SMCHD1: variants seen among roughly 807,000 people sequenced by gnomAD.
SMCHD1 encodes the protein structural maintenance of chromosomes flexible hinge domain-containing protein 1.
SMCHD1 carries 78 observed loss-of-function variants against 254.7 expected under a neutral mutation model. The observed-to-expected ratio is 0.31, with a 90% confidence interval of 0.26 to 0.37. The LOEUF is 0.37. SMCHD1 is among the 10% of genes least tolerant of loss of function. The pLI, the probability that SMCHD1 is intolerant of heterozygous loss-of-function variation, is 1.00. For synonymous variants in SMCHD1, 766 were observed against 794.9 expected (o/e 0.96, Z 0.61); for missense variants, 1,840 against 2,408.1 (o/e 0.76, Z 4.94).
At chr18:2,801,017 G>A (rs907712892) in intron 47 of SMCHD1, 1 of 152,088 alleles carries the variant, frequency 6.6e-6, no homozygotes, top group African/African-American at 2.4e-5. Context: ...AAATAAAAAT[G>A]TTCAATAGGA....
At position 2,769,775 on chromosome 18, in the gene SMCHD1, T is replaced by C; in HGVS notation, c.4801T>C (p.Ser1601Pro). The change falls in exon 38 of 48, where the codon TCA (serine) becomes CCA (proline). Residue 1601 changes from serine to proline, a missense_variant. Ser to Pro is a moderately conservative substitution (Grantham distance 74). Coordinates refer to ENST00000320876, the MANE Select transcript of SMCHD1 (RefSeq NM_015295.3). Reference sequence around the variant, plus strand: ...ATTTGAGCCCCGGCTACCACTTTTATCAAGAACCTTAGAACCATATATCCT... The same window carrying C: ...ATTTGAGCCCCGGCTACCACTTTTACCAAGAACCTTAGAACCATATATCCT... ...IVFEPRLPLLSRTLEPYILPF... is the reference protein window; with the variant it reads ...IVFEPRLPLLPRTLEPYILPF... 1 of 1,604,778 alleles carries C rather than the reference T, an allele frequency of 6.2e-7. No homozygotes were observed. The highest frequency in any genetic ancestry group is 1.3e-5 in the African/African-American group (1 of 74,944).
At chr18:2,707,783 A>G (rs377457869) in intron 16 of SMCHD1, 24 bp from the exon 17 acceptor site, 1 of 1,573,416 alleles carries the variant, frequency 6.4e-7, no homozygotes. Context: ...TGTAATTAAG[A>G]TACTTTTAAT....
chr18:2,667,668 A>T (rs957151213), intron 3 of SMCHD1, among the ~76,000 whole-genome samples: 1 of 152,200 alleles, frequency 6.6e-6, no homozygotes, highest in African/African-American at 2.4e-5. Context: ...GAACATAAAG[A>T]ATATCTCTAC....
rs760975616 is a variant in SMCHD1, at chr18:2,705,860, A to G, written c.1956+53A>G. On this transcript the variant is annotated intron_variant, in intron 14 of 47. Transcript: ENST00000320876. ...GAAAGTTTCTTGATAACACTTTTGC[A>G]TAATTGTTAAGATACAGTATATTTC... is the stretch of plus-strand genomic sequence containing the variant. 12 of 1,104,568 alleles carry G rather than the reference A, an allele frequency of 1.1e-5. No homozygotes were observed. In the Admixed American group the frequency reaches 1.3e-4, roughly 12 times the overall value. 68.4% of individuals were successfully genotyped at this position (1,104,568 alleles called of 1,614,324 possible). A position where few individuals can be genotyped will look rare whatever the true frequency, so the allele number is the denominator to read the frequency against.
chr18:2,724,889 T>C lies in SMCHD1; in HGVS notation c.2604-10T>C. ...TTGAGGGGAGTTAAAAAATAATTTT[T>C]TTTCCCCAGTGGTTTATCTTTACAT... On this transcript the variant is annotated splice_polypyrimidine_tract_variant and intron_variant, in intron 20 of 47. Coordinates refer to ENST00000320876, the MANE Select transcript of SMCHD1 (RefSeq NM_015295.3). The C allele has an allele frequency of 6.6e-7, 1 of 1,522,844 alleles. No individual in the cohort carries two copies. Among genetic ancestry groups the C allele is most frequent in the Non-Finnish European group, 8.9e-7 (1 of 1,123,284 alleles). 94.3% of individuals were successfully genotyped at this position (1,522,844 alleles called of 1,614,324 possible).
At chr18:2,675,427 G>A (rs550624148) in intron 5 of SMCHD1, among the ~76,000 whole-genome samples, 1 of 152,008 alleles carries the variant, frequency 6.6e-6, no homozygotes, top group South Asian at 2.1e-4. Context: ...ACCATGCCTG[G>A]CTATTTTTTG....
At chr18:2,742,126 A>C (rs617396) in intron 28 of SMCHD1, among the ~76,000 whole-genome samples, 65,974 of 151,982 alleles carry the variant, frequency 0.43, 14,667 homozygotes, top group African/African-American at 0.47. Flanking sequence ...AGCATGTTAC[A>C]TTCTACTGCA....
At position 2,662,684 on chromosome 18, in the gene SMCHD1, A is replaced by G. The variant is rs1475356692; in HGVS notation, c.187-3473A>G. On this transcript the variant is annotated intron_variant, in intron 1 of 47. Transcript: ENST00000320876. The stretch of plus-strand genomic sequence containing the variant: ...CAAAAAACCAAAAAAAAAAAAAAAA[A>G]AAAAAAGGGACATCATAGAAATAAA... 3.6e-3 allele frequency among the ~76,000 whole-genome samples: 546 copies of G among 150,626 alleles called. 4 individuals carry two copies. The highest frequency in any genetic ancestry group is 0.013 in the African/African-American group (526 of 41,066).
At chr18:2,792,261 A>G (rs1480873964) in intron 45 of SMCHD1, among the ~76,000 whole-genome samples, 1 of 152,222 alleles carries the variant, frequency 6.6e-6, no homozygotes, top group African/African-American at 2.4e-5. Flanking sequence ...TTCTATGTTT[A>G]GATACACAAA....
intron 1 of SMCHD1, among the ~76,000 whole-genome samples, chr18:2,665,610 T>A (rs1014281969): frequency 6.6e-6 from 1 of 152,172 alleles, no homozygotes; most frequent in African/African-American, 2.4e-5. Flanking sequence ...TGAGCTACCA[T>A]GCCTGGCCAG....
Position 2,739,442 on chromosome 18 carries a change from G to A in SMCHD1, c.3436G>A (p.Asp1146Asn), listed in dbSNP as rs771484529. Reference protein sequence around the residue: ...ESAFTVRPLPDEPKHLKCEMK... With the variant: ...ESAFTVRPLPNEPKHLKCEMK... ...GTTAAACAATTTCAGACCACTTCCT[G>A]ATGAACCTAAACATTTAAAATGTGA... The change falls in exon 27 of 48, where the codon GAT (aspartate) becomes AAT (asparagine). Residue 1146 changes from aspartate (D) to asparagine (N), a missense_variant. This residue lies in a region of SMCHD1 where 881 missense variants were observed against 1,009.5 expected (regional missense o/e 0.87). Transcript: ENST00000320876. The A allele has an allele frequency of 6.2e-7, 1 of 1,612,938 alleles. No individual in the cohort carries two copies. Among genetic ancestry groups the A allele is most frequent in the Admixed American group, 1.7e-5 (1 of 59,890 alleles).
chr18:2,754,063 T>C (rs192888002), intron 34 of SMCHD1, among the ~76,000 whole-genome samples: 1 of 152,318 alleles, frequency 6.6e-6, no homozygotes. Context: ...GTTCTTTATA[T>C]ATTAGAGATA....
chr18:2,724,842 T>C, intron 20 of SMCHD1, 57 bp from the exon 21 acceptor site: 1 of 916,628 alleles, frequency 1.1e-6, no homozygotes, highest in Non-Finnish European at 1.6e-6. Context: ...CAAAAACACA[T>C]TTGCAGCTTA....
chr18:2,673,269 G>C lies in SMCHD1; in HGVS notation c.425-12G>C, dbSNP rs376303409. ...GGGAAAAGTTAAGCAATGTTTTCTTGATCTCTTGCAGCATTTGCTCTTGCG... is the reference window on the plus strand; with the variant it reads ...GGGAAAAGTTAAGCAATGTTTTCTTCATCTCTTGCAGCATTTGCTCTTGCG... On this transcript the variant is annotated splice_polypyrimidine_tract_variant and intron_variant, in intron 3 of 47. Coordinates refer to ENST00000320876, the MANE Select transcript of SMCHD1 (RefSeq NM_015295.3). The C allele has an allele frequency of 6.1e-5, 96 of 1,575,480 alleles. No individual in the cohort carries two copies. The Middle Eastern group carries it at 1.2e-3, about 19-fold the overall frequency.
At chr18:2,780,236 T>G (rs112754545) in intron 44 of SMCHD1, among the ~76,000 whole-genome samples, 36,484 of 74,412 alleles carry the variant, frequency 0.49, 7,004 homozygotes, top group Non-Finnish European at 0.55. Context: ...CAAGACTCTA[T>G]CTAAAAAAAA....
intron 34 of SMCHD1, among the ~76,000 whole-genome samples, chr18:2,759,175 C>T (rs2075735775): frequency 1.3e-5 from 2 of 151,968 alleles, no homozygotes; most frequent in South Asian, 4.1e-4. Context: ...TATTGTTGTA[C>T]TAGACATTTT....
At chr18:2,669,577 T>C (rs2073538798) in intron 3 of SMCHD1, among the ~76,000 whole-genome samples, 1 of 152,206 alleles carries the variant, frequency 6.6e-6, no homozygotes, top group African/African-American at 2.4e-5. Flanking sequence ...CTTTATGTTG[T>C]ATCTTACTTC....
intron 3 of SMCHD1, among the ~76,000 whole-genome samples, chr18:2,671,841 G>T (rs938746044): frequency 6.6e-6 from 1 of 151,824 alleles, no homozygotes; most frequent in Non-Finnish European, 1.5e-5. Flanking sequence ...CTGAAGATCC[G>T]CCCGCCTTGG....
rs541465776 is a variant in SMCHD1, at chr18:2,678,895, C to T, written c.638+4750C>T. On this transcript the variant is annotated intron_variant, in intron 5 of 47. Coordinates refer to ENST00000320876, the MANE Select transcript of SMCHD1 (RefSeq NM_015295.3). ...AGGGAGTCTTGCTCTGTAGCCCAGG[C>T]TGGAGTGTGTAGTGCAATCTCAGCT... Among the ~76,000 whole-genome samples, 203 of 148,016 alleles carry T rather than the reference C, an allele frequency of 1.4e-3. 1 individual carries two copies. The highest frequency in any genetic ancestry group is 4.8e-3 in the African/African-American group (192 of 39,836).
Sources: gnomAD v4.1 joint callset for allele counts (sites outside exome capture counted in the v4.1 genomes callset) on GRCh38, gnomAD v4.1.1 for gene constraint, gnomAD v4.1.1 regional missense constraint, MANE v1.5 for transcripts, NCBI Gene and HGNC (gene_info 2026-07-23, HGNC 2026-07-21) for gene names.